SYNJ1: variants seen among roughly 807,000 people sequenced by gnomAD.
SYNJ1 encodes polyphosphatidylinositol phosphatase SYNJ1.
Under a neutral mutation model 168.2 loss-of-function variants are expected in SYNJ1, and 78 were observed. The ratio of observed to expected loss-of-function variants is 0.46; its 90% CI spans 0.39 to 0.56. The LOEUF (loss-of-function observed/expected upper bound fraction) is 0.56, where lower values mean the gene tolerates loss of function less well. SYNJ1 is among the 20% of genes least tolerant of loss of function. The pLI, the probability that SYNJ1 is intolerant of heterozygous loss-of-function variation, is 0.00. For missense variants in SYNJ1, 1,303 were observed against 1,597.6 expected, an observed-to-expected ratio of 0.82 and a Z score of 3.14; for synonymous variants, 539 against 548.6, an observed-to-expected ratio of 0.98 and a Z score of 0.24.
chr21:32,664,603 C>T (rs1423006617), intron 18 of SYNJ1, among the ~76,000 whole-genome samples: 3 of 152,052 alleles, frequency 2.0e-5, no homozygotes, highest in Admixed American at 6.5e-5. Context: ...ACATGGACTC[C>T]CTTAGAGCTG....
upstream of SYNJ1, chr21:32,728,077 G>T: frequency 6.6e-7 from 1 of 1,519,944 alleles, no homozygotes; most frequent in Non-Finnish European, 8.8e-7. Context: ...CGCCCCGCGC[G>T]AGGGAAGGGG....
chr21:32,682,193 T>C (rs2041652456), intron 10 of SYNJ1, among the ~76,000 whole-genome samples: 1 of 152,126 alleles, frequency 6.6e-6, no homozygotes, highest in African/African-American at 2.4e-5. Flanking sequence ...AGGGAAGAAC[T>C]AGGGGGAAGA....
chr21:32,645,528 C>T (rs1353688576), intron 25 of SYNJ1, 118 bp downstream of exon 25: 16 of 1,311,232 alleles, frequency 1.2e-5, no homozygotes, highest in Admixed American at 3.5e-5. Context: ...TAAGAAATAG[C>T]AATAATGATA....
intron 3 of SYNJ1, among the ~76,000 whole-genome samples, chr21:32,700,894 T>C (rs2042376864): frequency 6.6e-6 from 1 of 152,192 alleles, no homozygotes; most frequent in Non-Finnish European, 1.5e-5. Flanking sequence ...TAAAGCAATT[T>C]GGTTTACAAA....
intron 2 of SYNJ1, among the ~76,000 whole-genome samples, chr21:32,702,980 T>C (rs2042464797): frequency 6.6e-6 from 1 of 152,268 alleles, no homozygotes; most frequent in East Asian, 1.9e-4. Flanking sequence ...AGCCTACTGC[T>C]TTGCCTAATA....
chr21:32,644,821 G>T, intron 26 of SYNJ1, 147 bp downstream of exon 26: 1 of 876,716 alleles, frequency 1.1e-6, no homozygotes, highest in Non-Finnish European at 1.7e-6. Flanking sequence ...CCTGGGAAAT[G>T]AAAGCCTTTA....
At chr21:32,634,783 T>A in intron 32 of SYNJ1, 78 bp downstream of exon 32, 1 of 1,458,634 alleles carries the variant, frequency 6.9e-7, no homozygotes, top group Non-Finnish European at 9.5e-7. Flanking sequence ...AAACTTTAGA[T>A]GTATGAAGCA....
At chr21:32,727,028 T>G in intron 1 of SYNJ1, 111 bp from the exon 2 acceptor site, 2 of 1,449,170 alleles carry the variant, frequency 1.4e-6, no homozygotes, top group Non-Finnish European at 1.8e-6. Context: ...GGGGTTGGGG[T>G]GGGAAAAAAC....
chr21:32,720,754 T>C (rs2043191270), intron 2 of SYNJ1, among the ~76,000 whole-genome samples: 1 of 152,258 alleles, frequency 6.6e-6, no homozygotes, highest in African/African-American at 2.4e-5. Flanking sequence ...TAGGAATCCA[T>C]GGCGCCACCT....
chr21:32,711,114 A>C (rs1411648692), intron 2 of SYNJ1, among the ~76,000 whole-genome samples: 4 of 152,206 alleles, frequency 2.6e-5, no homozygotes, highest in African/African-American at 9.7e-5. Context: ...TTAACTGAAC[A>C]AATTCATGCA....
chr21:32,640,924 CT>C (rs2039807788), intron 29 of SYNJ1, among the ~76,000 whole-genome samples: 1 of 152,164 alleles, frequency 6.6e-6, no homozygotes, highest in Non-Finnish European at 1.5e-5. Context: ...CTTTCTTTTC[CT>C]ATACTTATGG....
intron 2 of SYNJ1, among the ~76,000 whole-genome samples, chr21:32,706,656 T>A (rs2042621661): frequency 6.6e-6 from 1 of 152,184 alleles, no homozygotes; most frequent in South Asian, 2.1e-4. Flanking sequence ...AAAGAAGCTT[T>A]TATCTCTGAC....
intron 2 of SYNJ1, among the ~76,000 whole-genome samples, chr21:32,717,587 C>T (rs1383394831): frequency 1.3e-5 from 2 of 152,178 alleles, no homozygotes; most frequent in African/African-American, 2.4e-5. Flanking sequence ...ATACCCTTTG[C>T]AGTACTCAAC....
At chr21:32,726,443 G>A (rs1293715231) in intron 2 of SYNJ1, among the ~76,000 whole-genome samples, 2 of 152,098 alleles carry the variant, frequency 1.3e-5, no homozygotes, top group Admixed American at 1.3e-4. Context: ...AATATGTCAA[G>A]CAAGACACTG....
intron 2 of SYNJ1, among the ~76,000 whole-genome samples, chr21:32,723,226 C>T (rs188380840): frequency 6.8e-4 from 104 of 152,328 alleles, no homozygotes; most frequent in Non-Finnish European, 1.2e-3. Flanking sequence ...TGTATTTTTA[C>T]TTGCAATCTT....
At position 32,631,415 on chromosome 21, in the gene SYNJ1, C is replaced by A; in HGVS notation, c.*390G>T. 1 of 1,614,198 alleles carries A rather than the reference C, an allele frequency of 6.2e-7. No individual in the cohort carries two copies. Among genetic ancestry groups the A allele is most frequent in the Non-Finnish European group, 8.5e-7 (1 of 1,180,028 alleles). ...AAGGGAAAGGACTGATAGTAACGGG[C>A]TCTTCTTTGGAGAACCATGAAGTTG... is the stretch of plus-strand genomic sequence containing the variant. On this transcript the variant is annotated 3_prime_UTR_variant, in exon 33 of 33. Transcript: ENST00000674351.
intron 25 of SYNJ1, among the ~76,000 whole-genome samples, 159 bp downstream of exon 25, chr21:32,645,487 G>A (rs2040020475): frequency 6.6e-6 from 1 of 152,224 alleles, no homozygotes; most frequent in Non-Finnish European, 1.5e-5. Flanking sequence ...TACCTTGTCT[G>A]TTGCGCCTAC....
In SYNJ1 at chr21:32,657,121, C is replaced by T. The variant is rs773941024; in HGVS notation, c.2462-1G>A. On this transcript the variant is annotated splice_acceptor_variant, in intron 19 of 32. Transcript: ENST00000674351. LOFTEE classifies it high-confidence loss of function. ...GCATTTAGAAGATCTAGATCTTCAGCTGCAGTCAGAAGAAATGAAAACACA... is the reference window on the plus strand; with the variant it reads ...GCATTTAGAAGATCTAGATCTTCAGTTGCAGTCAGAAGAAATGAAAACACA... The T allele has an allele frequency of 6.4e-7, 1 of 1,571,666 alleles. No individual in the cohort carries two copies. Among genetic ancestry groups the T allele is most frequent in the South Asian group, 1.1e-5 (1 of 90,232 alleles).
At chr21:32,651,542 C>T (rs2040270147) in intron 22 of SYNJ1, among the ~76,000 whole-genome samples, 1 of 152,204 alleles carries the variant, frequency 6.6e-6, no homozygotes, top group Non-Finnish European at 1.5e-5. Flanking sequence ...ACTTAACACG[C>T]TTTACAAGTC....
Sources: allele counts gnomAD v4.1 joint callset (sites outside exome capture counted in the v4.1 genomes callset), GRCh38; gene constraint gnomAD v4.1.1; transcripts MANE v1.5; gene names NCBI Gene and HGNC (gene_info 2026-07-23, HGNC 2026-07-21).